Variants in CACNA2D3 observed in about 807,000 individuals in gnomAD.
CACNA2D3 encodes the protein voltage-dependent calcium channel subunit alpha-2/delta-3.
Under a neutral mutation model 160.6 loss-of-function variants are expected in CACNA2D3, and 60 were observed. That is an observed-to-expected ratio of 0.37 (90% CI 0.30 to 0.46). The LOEUF (loss-of-function observed/expected upper bound fraction) is 0.46, where lower values mean the gene tolerates loss of function less well. Among genes scored for constraint, CACNA2D3 ranks in the 20% least tolerant of loss-of-function variants. The pLI, the probability that CACNA2D3 is intolerant of heterozygous loss-of-function variation, is 1.00. For synonymous variants in CACNA2D3, 558 were observed against 492.9 expected (o/e 1.13, Z -1.75); for missense variants, 1,205 against 1,365.0 (o/e 0.88, Z 1.85).
intron 13 of CACNA2D3, among the ~76,000 whole-genome samples, chr3:54,813,391 C>A (rs999329590): frequency 1.3e-5 from 2 of 152,138 alleles, no homozygotes; most frequent in African/African-American, 4.8e-5. Context: ...ATGAGAAGTG[C>A]CCAGGCTGGT....
At chr3:54,739,785 GTGTGTGTGT>G in intron 11 of CACNA2D3, among the ~76,000 whole-genome samples, 1 of 109,638 alleles carries the variant, frequency 9.1e-6, no homozygotes, top group Non-Finnish European at 2.2e-5. Context: ...GTGTGTGTGT[GTGTGTGTGT>G]GGAATTATAT....
intron 10 of CACNA2D3, among the ~76,000 whole-genome samples, chr3:54,637,379 T>C (rs915324962): frequency 2.6e-5 from 4 of 151,592 alleles, no homozygotes; most frequent in Non-Finnish European, 4.4e-5. Flanking sequence ...AGGCTTTTGA[T>C]TGGGAAGAAG....
At chr3:54,810,403 G>A (rs1405166982) in intron 13 of CACNA2D3, among the ~76,000 whole-genome samples, 4 of 152,198 alleles carry the variant, frequency 2.6e-5, no homozygotes, top group Admixed American at 6.5e-5. Flanking sequence ...AGGTTTTAGA[G>A]TTTGAGCCAT....
chr3:54,706,520 T>A (rs1179672087), intron 11 of CACNA2D3, among the ~76,000 whole-genome samples: 1 of 152,222 alleles, frequency 6.6e-6, no homozygotes, highest in East Asian at 1.9e-4. Context: ...TTAAAAATGG[T>A]ATCTATCCTC....
At chr3:54,976,888 A>G (rs998779841) in intron 29 of CACNA2D3, among the ~76,000 whole-genome samples, 32 of 152,326 alleles carry the variant, frequency 2.1e-4, no homozygotes, top group African/African-American at 7.2e-4. Context: ...GGCTGTTATA[A>G]GGAGCATTAT....
At chr3:54,500,866 T>C (rs1701283885) in intron 4 of CACNA2D3, among the ~76,000 whole-genome samples, 1 of 152,208 alleles carries the variant, frequency 6.6e-6, no homozygotes. Context: ...TACAACAGAA[T>C]ACCTGAGACT....
At chr3:54,654,617 G>A (rs1244566794) in intron 11 of CACNA2D3, among the ~76,000 whole-genome samples, 1 of 152,116 alleles carries the variant, frequency 6.6e-6, no homozygotes, top group African/African-American at 2.4e-5. Flanking sequence ...AGCTCTATCA[G>A]GCTGGGACCC....
intron 4 of CACNA2D3, among the ~76,000 whole-genome samples, chr3:54,469,078 A>G (rs1700683258): frequency 6.6e-6 from 1 of 152,206 alleles, no homozygotes; most frequent in Non-Finnish European, 1.5e-5. Flanking sequence ...GAGCTCTGCT[A>G]AGGGACAGAC....
At position 54,235,319 on chromosome 3, in the gene CACNA2D3, C is replaced by G. The variant is rs549260943; in HGVS notation, c.205-85123C>G. The stretch of plus-strand genomic sequence containing the variant: ...AAAGAAAAGAGGTTTTATTGGCTCA[C>G]GGTTCCACAGGCTGTGCAGGAAGCA... On this transcript the variant is annotated intron_variant, in intron 2 of 37. Coordinates refer to ENST00000474759, the MANE Select transcript of CACNA2D3 (RefSeq NM_018398.3). Among the ~76,000 whole-genome samples the G allele has an allele frequency of 2.8e-3, 428 of 152,284 alleles. 2 individuals are homozygous for G. The highest frequency in any genetic ancestry group is 4.8e-3 in the Non-Finnish European group (326 of 68,036).
chr3:54,857,814 T>A (rs977745108), intron 17 of CACNA2D3, among the ~76,000 whole-genome samples: 10 of 152,180 alleles, frequency 6.6e-5, no homozygotes, highest in African/African-American at 2.2e-4. Flanking sequence ...CACCATGGCG[T>A]TGAGCATGCT....
intron 4 of CACNA2D3, among the ~76,000 whole-genome samples, chr3:54,479,505 G>C (rs1700898119): frequency 6.6e-6 from 1 of 152,140 alleles, no homozygotes; most frequent in South Asian, 2.1e-4. Flanking sequence ...GGCCTTTCTG[G>C]AACCTGCTTC....
intron 11 of CACNA2D3, among the ~76,000 whole-genome samples, chr3:54,677,164 T>C (rs1265713506): frequency 2.6e-5 from 4 of 152,218 alleles, no homozygotes; most frequent in Non-Finnish European, 5.9e-5. Flanking sequence ...TATGTAACTT[T>C]ACTTGCTAAA....
chr3:54,170,050 T>C (rs58953221), intron 2 of CACNA2D3, among the ~76,000 whole-genome samples: 1 of 151,790 alleles, frequency 6.6e-6, no homozygotes, highest in Non-Finnish European at 1.5e-5. Context: ...TAGCCAGGCG[T>C]GGTGGTGGGC....
At chr3:54,597,628 A>G (rs1446368303) in intron 9 of CACNA2D3, among the ~76,000 whole-genome samples, 1 of 152,098 alleles carries the variant, frequency 6.6e-6, no homozygotes, top group Non-Finnish European at 1.5e-5. Flanking sequence ...TGGGTGGGAA[A>G]ACTGACAGCT....
intron 2 of CACNA2D3, among the ~76,000 whole-genome samples, chr3:54,267,698 A>G (rs759892902): frequency 3.3e-5 from 5 of 152,208 alleles, no homozygotes; most frequent in African/African-American, 1.2e-4. Context: ...TTCTTGTGCT[A>G]TATATGACTG....
intron 4 of CACNA2D3, among the ~76,000 whole-genome samples, chr3:54,459,186 G>C (rs374466200): frequency 1.1e-4 from 16 of 152,008 alleles, no homozygotes; most frequent in East Asian, 1.9e-4. Flanking sequence ...GGACATTTGG[G>C]TTGGTTCCAA....
intron 4 of CACNA2D3, among the ~76,000 whole-genome samples, chr3:54,403,651 G>C (rs931452485): frequency 6.6e-6 from 1 of 151,804 alleles, no homozygotes; most frequent in African/African-American, 2.4e-5. Context: ...ATAAAAATCA[G>C]AACAGAAATA....
At chr3:54,792,701 T>C (rs1243646274) in intron 13 of CACNA2D3, among the ~76,000 whole-genome samples, 2 of 152,156 alleles carry the variant, frequency 1.3e-5, no homozygotes, top group Non-Finnish European at 2.9e-5. Flanking sequence ...TTCCTCATGG[T>C]TCCAGCTAAA....
intron 9 of CACNA2D3, among the ~76,000 whole-genome samples, chr3:54,616,422 A>G (rs978895857): frequency 6.6e-6 from 1 of 152,342 alleles, no homozygotes; most frequent in Middle Eastern, 3.4e-3. Context: ...GAGGTATCCA[A>G]TAGAGATCAG....
Sources: gnomAD v4.1 joint callset for allele counts (sites outside exome capture counted in the v4.1 genomes callset) on GRCh38, gnomAD v4.1.1 for gene constraint, MANE v1.5 for transcripts, NCBI Gene and HGNC (gene_info 2026-07-23, HGNC 2026-07-21) for gene names.